The following NLGN1 variants were observed in gnomAD, a reference collection of about 807,000 sequenced individuals.
NLGN1 encodes the protein neuroligin 1.
A neutral mutation model predicts 65.5 loss-of-function variants in NLGN1; 12 were observed. The ratio of observed to expected loss-of-function variants is 0.18; its 90% confidence interval spans 0.12 to 0.30. The LOEUF (loss-of-function observed/expected upper bound fraction) is 0.30. Ranked by LOEUF, NLGN1 falls within the 10% of genes least tolerant of loss-of-function variation. NLGN1 has a pLI of 1.00. For missense variants in NLGN1, 750 were observed against 1,007.1 expected, an observed-to-expected ratio of 0.74 and a Z score of 3.46; for synonymous variants, 350 against 359.5, an observed-to-expected ratio of 0.97 and a Z score of 0.30.
chr3:174,042,305 C>T (rs1174435625), intron 4 of NLGN1, among the ~76,000 whole-genome samples: 7 of 152,122 alleles, frequency 4.6e-5, no homozygotes, highest in Admixed American at 1.3e-4. Flanking sequence ...CCAAGCCATA[C>T]AGGTATCCCC....
At chr3:174,088,739 C>T (rs1189105207) in intron 4 of NLGN1, among the ~76,000 whole-genome samples, 2 of 149,044 alleles carry the variant, frequency 1.3e-5, no homozygotes, top group African/African-American at 2.5e-5. Context: ...GGCAATAGAG[C>T]GAGACTCCAT....
intron 4 of NLGN1, among the ~76,000 whole-genome samples, chr3:174,238,547 G>A (rs1033301657): frequency 6.6e-6 from 1 of 152,080 alleles, no homozygotes; most frequent in Non-Finnish European, 1.5e-5. Flanking sequence ...ATTTTTAGTA[G>A]AGATGGGGTT....
chr3:174,133,183 A>C (rs1720534601), intron 4 of NLGN1, among the ~76,000 whole-genome samples: 1 of 152,220 alleles, frequency 6.6e-6, no homozygotes, highest in Non-Finnish European at 1.5e-5. Flanking sequence ...TTGGTCAGTA[A>C]CATTACAGTG....
At chr3:174,056,464 T>C (rs542877481) in intron 4 of NLGN1, among the ~76,000 whole-genome samples, 1 of 152,100 alleles carries the variant, frequency 6.6e-6, no homozygotes, top group East Asian at 1.9e-4. Flanking sequence ...AACAGACCTA[T>C]TTGTTACTTT....
chr3:173,680,020 A>G (rs1355540383), intron 3 of NLGN1, among the ~76,000 whole-genome samples: 1 of 152,172 alleles, frequency 6.6e-6, no homozygotes, highest in Admixed American at 6.5e-5. Flanking sequence ...AAAAGTGCAT[A>G]TGATTTTGGC....
chr3:174,150,696 C>A (rs1724153271), intron 4 of NLGN1, among the ~76,000 whole-genome samples: 1 of 152,022 alleles, frequency 6.6e-6, no homozygotes, highest in South Asian at 2.1e-4. Context: ...CATTATCTAG[C>A]AGAGATTCAA....
At chr3:174,078,240 T>C (rs2152544640) in intron 4 of NLGN1, among the ~76,000 whole-genome samples, 1 of 152,322 alleles carries the variant, frequency 6.6e-6, no homozygotes, top group Middle Eastern at 3.4e-3. Context: ...ATGACTAGTA[T>C]GTGTGTCAGA....
At chr3:174,126,770 T>C (rs1719026931) in intron 4 of NLGN1, among the ~76,000 whole-genome samples, 1 of 152,144 alleles carries the variant, frequency 6.6e-6, no homozygotes, top group South Asian at 2.1e-4. Flanking sequence ...TTTTCTAAGC[T>C]GCCTTTTCCA....
chr3:173,478,122 T>C (rs1726576822), intron 2 of NLGN1, among the ~76,000 whole-genome samples: 1 of 152,216 alleles, frequency 6.6e-6, no homozygotes, highest in Non-Finnish European at 1.5e-5. Context: ...ATTGTAGCAC[T>C]ATTCACAATA....
chr3:173,876,756 C>T (rs1011954711), intron 4 of NLGN1, among the ~76,000 whole-genome samples: 1 of 151,896 alleles, frequency 6.6e-6, no homozygotes, highest in African/African-American at 2.4e-5. Flanking sequence ...ATAGCATAAA[C>T]AAAAACATAA....
chr3:173,484,677 C>T (rs1727868983), intron 2 of NLGN1, among the ~76,000 whole-genome samples: 1 of 152,010 alleles, frequency 6.6e-6, no homozygotes, highest in Non-Finnish European at 1.5e-5. Flanking sequence ...TTTAACTCTA[C>T]AAGCATCAAG....
intron 4 of NLGN1, among the ~76,000 whole-genome samples, chr3:173,838,283 G>A (rs1352518541): frequency 6.6e-6 from 1 of 151,270 alleles, no homozygotes; most frequent in Admixed American, 6.6e-5. Context: ...TTAACATCAA[G>A]TTTGGCCAAG....
intron 4 of NLGN1, among the ~76,000 whole-genome samples, chr3:173,975,228 G>T (rs1482602750): frequency 1.3e-5 from 2 of 151,918 alleles, no homozygotes; most frequent in African/African-American, 4.8e-5. Context: ...CCAATTTGGG[G>T]CTTCAGGGAA....
chr3:173,990,343 T>A (rs1720839702), intron 4 of NLGN1, among the ~76,000 whole-genome samples: 2 of 152,208 alleles, frequency 1.3e-5, no homozygotes, highest in Non-Finnish European at 2.9e-5. Context: ...GACTATTTTC[T>A]TTATTCTCCT....
At chr3:173,439,715 A>G (rs544686762) in intron 2 of NLGN1, among the ~76,000 whole-genome samples, 1 of 152,246 alleles carries the variant, frequency 6.6e-6, no homozygotes, top group African/African-American at 2.4e-5. Flanking sequence ...CTGAATCTAA[A>G]AAAAAAGCAA....
chr3:174,210,515 A>G (rs769961723), intron 4 of NLGN1, among the ~76,000 whole-genome samples: 3 of 152,214 alleles, frequency 2.0e-5, no homozygotes, highest in Non-Finnish European at 2.9e-5. Flanking sequence ...ATTGTCCACG[A>G]TGACTAGATT....
downstream of NLGN1, among the ~76,000 whole-genome samples, chr3:174,291,493 C>G (rs9848891): frequency 0.014 from 2,175 of 151,174 alleles, 52 homozygotes; most frequent in African/African-American, 0.05. Flanking sequence ...TCACATCTAG[C>G]TAAAATCACC....
At chr3:173,453,966 T>G (rs1274299274) in intron 2 of NLGN1, among the ~76,000 whole-genome samples, 1 of 152,230 alleles carries the variant, frequency 6.6e-6, no homozygotes, top group African/African-American at 2.4e-5. Flanking sequence ...CCTTATGAAA[T>G]GTATTTCTTA....
intron 4 of NLGN1, among the ~76,000 whole-genome samples, chr3:173,998,559 T>C (rs1400001298): frequency 6.6e-6 from 1 of 152,234 alleles, no homozygotes; most frequent in African/African-American, 2.4e-5. Flanking sequence ...CTTTCATCTC[T>C]TCCTTGCCCA....
Sources: allele counts gnomAD v4.1 joint callset (sites outside exome capture counted in the v4.1 genomes callset), GRCh38; gene constraint gnomAD v4.1.1; transcripts MANE v1.5; gene names NCBI Gene and HGNC (gene_info 2026-07-23, HGNC 2026-07-21).